Variants in MYT1L observed in about 807,000 individuals in gnomAD.
The protein encoded by MYT1L is myelin transcription factor 1-like protein.
MYT1L carries 12 observed loss-of-function variants against 126.7 expected under a neutral mutation model. The observed-to-expected ratio is 0.09, with a 90% CI of 0.06 to 0.15. The LOEUF is 0.15. Among genes scored for constraint, MYT1L ranks in the 10% least tolerant of loss-of-function variants. MYT1L has a pLI of 1.00. For missense variants in MYT1L, 979 were observed against 1,585.2 expected (o/e 0.62, Z 6.49); for synonymous variants, 541 against 604.2 (o/e 0.90, Z 1.53).
intron 10 of MYT1L, among the ~76,000 whole-genome samples, chr2:1,918,208 G>A (rs1025579252): frequency 1.3e-5 from 2 of 152,140 alleles, no homozygotes; most frequent in African/African-American, 2.4e-5. Context: ...TAATGATATT[G>A]CTAATAAAAT....
chr2:1,928,962 A>G (rs1232583170), intron 9 of MYT1L, among the ~76,000 whole-genome samples: 4 of 152,118 alleles, frequency 2.6e-5, no homozygotes, highest in Non-Finnish European at 4.4e-5. Flanking sequence ...GAGCCAGGAT[A>G]AGGATGTGCA....
At chr2:2,077,183 A>T (rs1273985595) in intron 3 of MYT1L, among the ~76,000 whole-genome samples, 1 of 152,164 alleles carries the variant, frequency 6.6e-6, no homozygotes, top group South Asian at 2.1e-4. Flanking sequence ...ACAGAAATGA[A>T]GATAGCCTTA....
At chr2:2,066,366 T>G (rs1173116151) in intron 3 of MYT1L, among the ~76,000 whole-genome samples, 2 of 152,200 alleles carry the variant, frequency 1.3e-5, no homozygotes, top group East Asian at 3.8e-4. Context: ...CATCTCAGTC[T>G]TCAGGAACAC....
chr2:1,889,495 T>A lies in MYT1L; in HGVS notation c.2284-18A>T. 1 of 1,568,332 alleles carries A rather than the reference T, an allele frequency of 6.4e-7. No individual in the cohort carries two copies. The highest frequency in any genetic ancestry group is 8.7e-7 in the Non-Finnish European group (1 of 1,152,924). ...TCAGGGTTCTGTCGGTAGAAAGACATAGTGACTGTGCTTGGCCCGGCATCT... is the reference window on the plus strand; with the variant it reads ...TCAGGGTTCTGTCGGTAGAAAGACAAAGTGACTGTGCTTGGCCCGGCATCT... On this transcript the variant is annotated intron_variant, in intron 15 of 24. Transcript: ENST00000647738. The surrounding 1 kb of genome is among the most constrained non-coding windows in gnomAD (Gnocchi z 4.1).
Position 1,922,617 on chromosome 2 carries a change from C to A in MYT1L, c.1152G>T (p.Arg384=). 6.2e-7 allele frequency: 1 copy of A among 1,613,992 alleles called. No individual in the cohort carries two copies. The highest frequency in any genetic ancestry group is 2.2e-5 in the East Asian group (1 of 44,878). Residue 384 remains arginine, a synonymous_variant, in exon 10 of 25, where the codon CGG becomes CGT. Coordinates refer to ENST00000647738, the MANE Select transcript of MYT1L (RefSeq NM_001303052.2). The surrounding 1 kb of genome is among the most constrained non-coding windows in gnomAD (Gnocchi z 7.4). The part of the protein sequence containing the change: ...RNYSDMLNLM[R]LEEQLSPRSR... ...ACCGGGGGCTCAACTGCTCCTCCAG[C>A]CGCATGAGGTTCAGCATGTCCGAGT...
chr2:1,989,043 C>T (rs1483341010), intron 5 of MYT1L, among the ~76,000 whole-genome samples: 1 of 152,070 alleles, frequency 6.6e-6, no homozygotes, highest in East Asian at 1.9e-4. Context: ...CCTTTCATGT[C>T]CCTGAACTAG....
At position 2,291,734 on chromosome 2, in the gene MYT1L, C is replaced by T. The variant is rs145996136; in HGVS notation, c.-520-7231G>A. 2.4e-3 allele frequency among the ~76,000 whole-genome samples: 369 copies of T among 152,328 alleles called. 3 individuals carry two copies. Among genetic ancestry groups the T allele is most frequent in the African/African-American group, 8.5e-3 (354 of 41,584 alleles). Reference sequence around the variant, plus strand: ...AGCAGCTTCCCTTGCCACGTGCAGGCGCCGAGCCAGCCTGGCTCCCCGACC... The same window carrying T: ...AGCAGCTTCCCTTGCCACGTGCAGGTGCCGAGCCAGCCTGGCTCCCCGACC... On this transcript the variant is annotated intron_variant, in intron 1 of 24. Coordinates refer to ENST00000647738, the MANE Select transcript of MYT1L (RefSeq NM_001303052.2).
In MYT1L at chr2:1,811,979, TAAG is replaced by T. The variant is rs146736256; in HGVS notation, c.3081-2815_3081-2813del. ...GAGCTGGATATTTTCATTTGTAAAA[TAAG>T]AAGTTCTCAAAAGATCTGTTAAGGC... On this transcript the variant is annotated intron_variant, in intron 21 of 24. Transcript: ENST00000647738. The surrounding 1 kb of genome is among the most constrained non-coding windows in gnomAD (Gnocchi z 4.4). Among the ~76,000 whole-genome samples, 11 of 152,314 alleles carry T rather than the reference TAAG, an allele frequency of 7.2e-5. No homozygotes were observed. In the East Asian group the frequency reaches 2.1e-3, roughly 29 times the overall value.
chr2:2,190,412 A>C (rs1458918683), intron 2 of MYT1L, among the ~76,000 whole-genome samples: 1 of 151,672 alleles, frequency 6.6e-6, no homozygotes, highest in Non-Finnish European at 1.5e-5. Context: ...CCGAGATCAC[A>C]CCAGATGGTG....
At chr2:2,130,284 G>A (rs537610616) in intron 3 of MYT1L, among the ~76,000 whole-genome samples, 30 of 151,982 alleles carry the variant, frequency 2.0e-4, no homozygotes, top group African/African-American at 6.0e-4. Context: ...GAGTTCCACC[G>A]AGAACACTGG....
intron 19 of MYT1L, among the ~76,000 whole-genome samples, chr2:1,847,734 G>A (rs2042691109): frequency 6.6e-6 from 1 of 152,192 alleles, no homozygotes; most frequent in Non-Finnish European, 1.5e-5. Flanking sequence ...TGAATGACAT[G>A]GAAGCCTTTG....
At chr2:2,280,032 A>C (rs1177780796) in intron 2 of MYT1L, among the ~76,000 whole-genome samples, 1 of 152,254 alleles carries the variant, frequency 6.6e-6, no homozygotes, top group Non-Finnish European at 1.5e-5. Context: ...TAGTAAAAAC[A>C]TGTATCAGAA....
At chr2:2,198,944 C>A (rs749756609) in intron 2 of MYT1L, among the ~76,000 whole-genome samples, 2 of 152,090 alleles carry the variant, frequency 1.3e-5, no homozygotes, top group African/African-American at 4.8e-5. Flanking sequence ...TGAAACATCA[C>A]ACCATATTCC....
At chr2:1,876,953 A>C (rs1421814863) in intron 18 of MYT1L, among the ~76,000 whole-genome samples, 1 of 152,216 alleles carries the variant, frequency 6.6e-6, no homozygotes, top group Non-Finnish European at 1.5e-5. Flanking sequence ...ACCCTGCTGG[A>C]GACTCAAGCT....
Position 2,010,603 on chromosome 2 carries a change from T to C in MYT1L, c.-157-13256A>G, listed in dbSNP as rs538667301. Among the ~76,000 whole-genome samples the C allele has an allele frequency of 9.9e-5, 15 of 152,128 alleles. No homozygotes were observed. In the South Asian group the frequency reaches 3.1e-3, roughly 32 times the overall value. On this transcript the variant is annotated intron_variant, in intron 4 of 24. Transcript: ENST00000647738. ...CCCCATGGCTGCTACTACCCAGTGA[T>C]CGATCCGACGCCCTTCTAGGGATGT...
At chr2:1,841,966 C>A (rs1407224517) in intron 19 of MYT1L, 2 of 152,196 alleles carry the variant, frequency 1.3e-5, no homozygotes, top group East Asian at 3.9e-4. Context: ...TCAGCTGGAA[C>A]AGAAACATAC....
chr2:2,011,196 C>T (rs1574494004), intron 4 of MYT1L, among the ~76,000 whole-genome samples: 1 of 152,104 alleles, frequency 6.6e-6, no homozygotes, highest in East Asian at 1.9e-4. Flanking sequence ...TGAGACCAGC[C>T]TGGCCAACAC....
intron 8 of MYT1L, among the ~76,000 whole-genome samples, chr2:1,957,441 C>CA (rs2058587464): frequency 6.6e-6 from 1 of 151,956 alleles, no homozygotes; most frequent in African/African-American, 2.4e-5. Context: ...ACCTCCTGCT[C>CA]AGAGTTCCCA....
chr2:2,279,221 C>A (rs927693440), intron 2 of MYT1L, among the ~76,000 whole-genome samples: 1 of 152,138 alleles, frequency 6.6e-6, no homozygotes, highest in African/African-American at 2.4e-5. Context: ...GGACAAAACT[C>A]CCTTGGTTTT....
Sources: gnomAD v4.1 joint callset for allele counts (sites outside exome capture counted in the v4.1 genomes callset) on GRCh38, gnomAD v4.1.1 for gene constraint, Gnocchi (gnomAD v3.1) non-coding constraint, MANE v1.5 for transcripts, NCBI Gene and HGNC (gene_info 2026-07-23, HGNC 2026-07-21) for gene names.